The following CD59 variants were observed in gnomAD, a reference collection of about 807,000 sequenced individuals.
CD59 encodes CD59 molecule (CD59 blood group).
In CD59, 3 loss-of-function variants were observed where a neutral mutation model predicts 7.0. The observed-to-expected ratio is 0.43, with a 90% confidence interval of 0.19 to 1.10. The LOEUF (loss-of-function observed/expected upper bound fraction) is 1.10, where lower values mean the gene tolerates loss of function less well. CD59 is among the 50% of genes least tolerant of loss of function. The pLI is 0.29. For synonymous variants in CD59, 60 were observed against 62.0 expected (o/e 0.97, Z 0.15); for missense variants, 143 against 151.0 (o/e 0.95, Z 0.28).
In CD59 at chr11:33,706,031, G is replaced by A. The variant is rs1221679656; in HGVS notation, c.*4095C>T. 1.3e-5 allele frequency: 2 copies of A among 152,030 alleles called. No homozygotes were observed. Among genetic ancestry groups the A allele is most frequent in the Admixed American group, 6.6e-5 (1 of 15,258 alleles). The allele number at this position is 152,030 out of a possible 1,614,324, so 9.4% of individuals were successfully genotyped here. Reference sequence around the variant, plus strand: ...GAACAGCAACATCCCTAGGGAAACCGATCACAGAAAGGCAGCTCACTACCC... The same window carrying A: ...GAACAGCAACATCCCTAGGGAAACCAATCACAGAAAGGCAGCTCACTACCC... On this transcript the variant is annotated 3_prime_UTR_variant, in exon 4 of 4. Transcript: ENST00000642928.
rs1053688147 is a variant in CD59 at position 33,705,750 on chromosome 11, A to G, written c.*4376T>C. 1 of 152,180 alleles carries G rather than the reference A, an allele frequency of 6.6e-6. No individual in the cohort carries two copies. Among genetic ancestry groups the G allele is most frequent in the Non-Finnish European group, 1.5e-5 (1 of 68,036 alleles). The allele number at this position is 152,180 out of a possible 1,614,324, so 9.4% of individuals were successfully genotyped here. ...TTCTCCCTAATAACCTCCCTTTCAT[A>G]TATACATATATCCTACTAATTCTGT... On this transcript the variant is annotated 3_prime_UTR_variant, in exon 4 of 4. Transcript: ENST00000642928.
chr11:33,735,296 C>T (rs1211070396), intron 1 of CD59, among the ~76,000 whole-genome samples: 1 of 152,344 alleles, frequency 6.6e-6, no homozygotes, highest in East Asian at 1.9e-4. Flanking sequence ...ATCTCAACCA[C>T]CCTGTGAAGT....
intron 1 of CD59, chr11:33,722,727 T>C: frequency 8.0e-7 from 1 of 1,248,354 alleles, no homozygotes; most frequent in South Asian, 1.5e-5. Flanking sequence ...GTGAGTCAAA[T>C]GACAATATGA....
chr11:33,715,029 T>C (rs2901375), intron 3 of CD59, among the ~76,000 whole-genome samples: 44,675 of 150,862 alleles, frequency 0.3, 6,856 homozygotes, highest in Middle Eastern at 0.36. Context: ...CTGCAACCTC[T>C]GCCTCCTGGG....
At chr11:33,714,453 C>A (rs1023331588) in intron 3 of CD59, among the ~76,000 whole-genome samples, 1 of 152,134 alleles carries the variant, frequency 6.6e-6, no homozygotes. Flanking sequence ...GATTGGAAGT[C>A]AGTGAATGAG....
chr11:33,729,727 T>A (rs989979770), intron 1 of CD59, among the ~76,000 whole-genome samples: 1 of 151,994 alleles, frequency 6.6e-6, no homozygotes, highest in Non-Finnish European at 1.5e-5. Context: ...GCACTTCTTA[T>A]CAAGTTCCTG....
In CD59 at chr11:33,707,964, T is replaced by A. The variant is rs145779903; in HGVS notation, c.*2162A>T. On this transcript the variant is annotated 3_prime_UTR_variant, in exon 4 of 4. Coordinates refer to ENST00000642928, the MANE Select transcript of CD59 (RefSeq NM_000611.6). ...GAGGAGAGGGGCCAGAAGGGTCACA[T>A]TGAAGAAATGTGACATGAGGGTGGA... is the stretch of plus-strand genomic sequence containing the variant. The A allele has an allele frequency of 6.6e-6, 1 of 152,196 alleles. No individual in the cohort carries two copies. Among genetic ancestry groups the A allele is most frequent in the Non-Finnish European group, 1.5e-5 (1 of 68,060 alleles). 9.4% of individuals were successfully genotyped at this position (152,196 alleles called of 1,614,324 possible).
Position 33,703,325 on chromosome 11 carries a change from A to G in CD59, c.*6801T>C, listed in dbSNP as rs1853172640. On this transcript the variant is annotated 3_prime_UTR_variant, in exon 4 of 4. Coordinates refer to ENST00000642928, the MANE Select transcript of CD59 (RefSeq NM_000611.6). ...GAGGTAATAATAAACCCACGAGGTT[A>G]AGGCAAAACCCTACGGTTGTTTCTG... 6.6e-6 allele frequency: 1 copy of G among 152,210 alleles called. No homozygotes were observed. Among genetic ancestry groups the G allele is most frequent in the South Asian group, 2.1e-4 (1 of 4,830 alleles). 9.4% of individuals were successfully genotyped at this position (152,210 alleles called of 1,614,324 possible).
chr11:33,732,315 T>A (rs893481577), intron 1 of CD59, among the ~76,000 whole-genome samples: 2 of 152,122 alleles, frequency 1.3e-5, no homozygotes, highest in Non-Finnish European at 2.9e-5. Context: ...TTCAGCACCA[T>A]CCCCCTAGTG....
At chr11:33,711,007 G>C (rs1387770449) in intron 3 of CD59, among the ~76,000 whole-genome samples, 1 of 146,258 alleles carries the variant, frequency 6.8e-6, no homozygotes, top group East Asian at 2.1e-4. Context: ...GGGCCTTCAA[G>C]TGCTAACATG....
chr11:33,732,527 A>G (rs755280778), intron 1 of CD59, among the ~76,000 whole-genome samples: 8 of 152,348 alleles, frequency 5.3e-5, no homozygotes, highest in Admixed American at 4.6e-4. Context: ...TCTTTTCTTT[A>G]TAAATTACCC....
At chr11:33,717,499 C>T in intron 2 of CD59, 28 bp from the exon 3 acceptor site, 1 of 1,438,510 alleles carries the variant, frequency 7.0e-7, no homozygotes, top group Non-Finnish European at 9.8e-7. Flanking sequence ...GTCAGGATCT[C>T]TTAAAGCAGC....
chr11:33,735,183 G>A (rs1854529401), intron 1 of CD59, among the ~76,000 whole-genome samples: 1 of 152,216 alleles, frequency 6.6e-6, no homozygotes, highest in Admixed American at 6.5e-5. Context: ...GGAACTGGGA[G>A]TAAACCGCCA....
chr11:33,717,327 A>G, intron 3 of CD59, 43 bp downstream of exon 3: 1 of 1,296,144 alleles, frequency 7.7e-7, no homozygotes. Flanking sequence ...CCAGGCACTT[A>G]TTACCCCATT....
chr11:33,725,462 T>A (rs1854228089), intron 1 of CD59, among the ~76,000 whole-genome samples: 1 of 152,162 alleles, frequency 6.6e-6, no homozygotes, highest in Non-Finnish European at 1.5e-5. Flanking sequence ...GGTGGGTTTG[T>A]CCCTAACGAC....
At chr11:33,711,831 T>C (rs1853572571) in intron 3 of CD59, among the ~76,000 whole-genome samples, 1 of 152,220 alleles carries the variant, frequency 6.6e-6, no homozygotes, top group African/African-American at 2.4e-5. Flanking sequence ...CTCACTAGGA[T>C]GGCTAAGATC....
intron 2 of CD59, among the ~76,000 whole-genome samples, chr11:33,721,539 T>C (rs904561106): frequency 6.6e-6 from 1 of 152,204 alleles, no homozygotes; most frequent in African/African-American, 2.4e-5. Context: ...AAACCAGCAG[T>C]GGCCAAGATA....
chr11:33,722,862 T>C, intron 1 of CD59: 12 of 947,688 alleles, frequency 1.3e-5, no homozygotes, highest in Non-Finnish European at 1.6e-5. Flanking sequence ...GGGGTGACTC[T>C]GGAAGGCACC....
chr11:33,731,014 A>G (rs554495818), intron 1 of CD59, among the ~76,000 whole-genome samples: 5 of 152,284 alleles, frequency 3.3e-5, no homozygotes, highest in African/African-American at 4.8e-5. Context: ...TCTAAGTAAC[A>G]TTTTCTTTTC....
Sources: allele counts gnomAD v4.1 joint callset (sites outside exome capture counted in the v4.1 genomes callset), GRCh38; gene constraint gnomAD v4.1.1; transcripts MANE v1.5; gene names NCBI Gene and HGNC (gene_info 2026-07-23, HGNC 2026-07-21).